The following IL1R1 variants were observed in gnomAD, a reference collection of about 807,000 sequenced individuals.
IL1R1 encodes the protein interleukin-1 receptor type 1.
In IL1R1, 22 loss-of-function variants were observed where a neutral mutation model predicts 50.2. The observed-to-expected ratio is 0.44, with a 90% CI of 0.31 to 0.63. IL1R1 has a LOEUF of 0.63. Ranked by LOEUF, IL1R1 falls within the 20% of genes least tolerant of loss-of-function variation. IL1R1 has a pLI of 0.07. For synonymous variants in IL1R1, 251 were observed against 236.7 expected (o/e 1.06, Z -0.55); for missense variants, 509 against 676.2 (o/e 0.75, Z 2.74).
In IL1R1 at chr2:102,172,168, G is replaced by A. The variant is rs552290958; in HGVS notation, c.839+250G>A. 1.6e-5 allele frequency: 10 copies of A among 610,420 alleles called. No homozygotes were observed. The African/African-American group carries it at 2.1e-4, about 13-fold the overall frequency. 37.8% of individuals were successfully genotyped at this position (610,420 alleles called of 1,614,324 possible). A position where few individuals can be genotyped will look rare whatever the true frequency, so the allele number is the denominator to read the frequency against. ...GCCTTTCTCTTACGTTATACATGTT[G>A]CAACATTTCAACGAAGCAATTATCT... is the stretch of plus-strand genomic sequence containing the variant. On this transcript the variant is annotated intron_variant, in intron 8 of 11. Coordinates refer to ENST00000410023, the MANE Select transcript of IL1R1 (RefSeq NM_000877.4).
chr2:102,077,357 C>T (rs1013153969), intron 1 of IL1R1, among the ~76,000 whole-genome samples: 1 of 152,170 alleles, frequency 6.6e-6, no homozygotes, highest in Non-Finnish European at 1.5e-5. Context: ...AGGTGTGAGC[C>T]GTGGCACCCG....
upstream of IL1R1, chr2:102,142,379 G>T (rs2104442143): frequency 6.6e-6 from 1 of 152,336 alleles, no homozygotes; most frequent in East Asian, 1.9e-4. Context: ...GGGATCTGAT[G>T]CCCTGGAGTC....
intron 5 of IL1R1, 42 bp downstream of exon 5, chr2:102,165,346 T>C: frequency 8.8e-7 from 1 of 1,134,754 alleles, no homozygotes; most frequent in Non-Finnish European, 1.2e-6. Context: ...TTCCAGAAAA[T>C]AAAATAGTTC....
At chr2:102,133,842 G>A (rs541919575) in intron 1 of IL1R1, among the ~76,000 whole-genome samples, 1 of 151,678 alleles carries the variant, frequency 6.6e-6, no homozygotes, top group African/African-American at 2.4e-5. Flanking sequence ...CAGGAACAAG[G>A]CAAGAACATC....
At chr2:102,137,441 A>G (rs752217069) in intron 1 of IL1R1, among the ~76,000 whole-genome samples, 1 of 152,166 alleles carries the variant, frequency 6.6e-6, no homozygotes, top group Non-Finnish European at 1.5e-5. Flanking sequence ...AACATCCAAG[A>G]TGGTGCACTG....
upstream of IL1R1, among the ~76,000 whole-genome samples, chr2:102,103,363 G>A (rs1190309235): frequency 2.0e-5 from 3 of 152,050 alleles, no homozygotes; most frequent in East Asian, 5.8e-4. Context: ...AAGAGGAGGT[G>A]GGCTGTGTCG....
intron 7 of IL1R1, 23 bp from the exon 8 acceptor site, chr2:102,171,778 G>A (rs1685692949): frequency 1.5e-6 from 2 of 1,362,718 alleles, no homozygotes; most frequent in East Asian, 4.7e-5. Context: ...TTAATGTTAA[G>A]ATTAAAAATA....
At chr2:102,129,080 C>A (rs1217920149) in intron 1 of IL1R1, among the ~76,000 whole-genome samples, 2 of 151,842 alleles carry the variant, frequency 1.3e-5, no homozygotes, top group Non-Finnish European at 2.9e-5. Context: ...GTGTGGTGGT[C>A]CAGGCCTGTA....
intron 1 of IL1R1, among the ~76,000 whole-genome samples, chr2:102,110,399 G>T (rs971339876): frequency 1.3e-5 from 2 of 151,940 alleles, no homozygotes; most frequent in Admixed American, 6.6e-5. Flanking sequence ...GTGTACACTT[G>T]TGATTTTGAT....
chr2:102,094,760 G>A (rs1457014861), intron 1 of IL1R1, among the ~76,000 whole-genome samples: 2 of 152,052 alleles, frequency 1.3e-5, no homozygotes, highest in Non-Finnish European at 2.9e-5. Flanking sequence ...CACAGAACAG[G>A]TTAATAGAAA....
intron 1 of IL1R1, among the ~76,000 whole-genome samples, chr2:102,117,119 C>G (rs1681121629): frequency 6.6e-6 from 1 of 152,192 alleles, no homozygotes; most frequent in Non-Finnish European, 1.5e-5. Context: ...TTTTTCTCAT[C>G]AAACCGCATG....
intron 1 of IL1R1, among the ~76,000 whole-genome samples, chr2:102,137,202 T>C (rs1447524891): frequency 6.6e-6 from 1 of 152,202 alleles, no homozygotes; most frequent in Non-Finnish European, 1.5e-5. Flanking sequence ...ACTGAAGTTA[T>C]ACGGTACAAG....
intron 6 of IL1R1, among the ~76,000 whole-genome samples, chr2:102,166,976 A>G (rs1685233883): frequency 6.6e-6 from 1 of 152,258 alleles, no homozygotes; most frequent in Non-Finnish European, 1.5e-5. Flanking sequence ...AAAATGAAAC[A>G]AAATGCACAA....
chr2:102,082,136 CT>C (rs1679238277), intron 1 of IL1R1, among the ~76,000 whole-genome samples: 1 of 152,102 alleles, frequency 6.6e-6, no homozygotes. Context: ...TTCAAATGTT[CT>C]CCTGTTCCTT....
Position 102,172,851 on chromosome 2 carries a change from C to A in IL1R1, c.991+13C>A. ...TTAATATATCCAGGTAAACAACAAA[C>A]TAATTGAAATGCAGTTTTGTTTTAC... On this transcript the variant is annotated intron_variant, in intron 9 of 11. Coordinates refer to ENST00000410023, the MANE Select transcript of IL1R1 (RefSeq NM_000877.4). The A allele has an allele frequency of 6.4e-7, 1 of 1,573,040 alleles. No individual in the cohort carries two copies. The highest frequency in any genetic ancestry group is 8.7e-7 in the Non-Finnish European group (1 of 1,153,996).
chr2:102,108,982 A>C (rs1577863530), intron 1 of IL1R1, among the ~76,000 whole-genome samples: 2 of 132,106 alleles, frequency 1.5e-5, no homozygotes, highest in African/African-American at 5.2e-5. Context: ...TAATAATAAT[A>C]ATAATAAAAG....
upstream of IL1R1, among the ~76,000 whole-genome samples, chr2:102,102,726 T>A (rs1434734252): frequency 6.6e-6 from 1 of 152,032 alleles, no homozygotes; most frequent in East Asian, 1.9e-4. Context: ...CTATTCTCAA[T>A]AGCAAAGACA....
At position 102,148,444 on chromosome 2, in the gene IL1R1, A is replaced by G. The variant is rs372046469; in HGVS notation, c.-84+5424A>G. On this transcript the variant is annotated intron_variant, in intron 1 of 11. Coordinates refer to ENST00000410023, the MANE Select transcript of IL1R1 (RefSeq NM_000877.4). ...GCCTCTCGGATTTTACCTCCCAGGG[A>G]TTCCTTCTGGGAAATAAAAAGCAAA... Among the ~76,000 whole-genome samples, 307 of 152,326 alleles carry G rather than the reference A, an allele frequency of 2.0e-3. 1 individual carries two copies. The highest frequency in any genetic ancestry group is 2.3e-3 in the Non-Finnish European group (158 of 68,032).
At chr2:102,101,571 A>G (rs1680144081), upstream of IL1R1, among the ~76,000 whole-genome samples, 2 of 152,174 alleles carry the variant, frequency 1.3e-5, no homozygotes, top group South Asian at 2.1e-4. Context: ...TCCTTTTTCA[A>G]TTGGGAGGTA....
Sources: allele counts gnomAD v4.1 joint callset (sites outside exome capture counted in the v4.1 genomes callset), GRCh38; gene constraint gnomAD v4.1.1; transcripts MANE v1.5; gene names NCBI Gene and HGNC (gene_info 2026-07-23, HGNC 2026-07-21).